Variants in DNAH12 observed in about 807,000 individuals in gnomAD.
DNAH12 encodes axonemal beta dynein heavy chain 12.
DNAH12 carries 285 observed loss-of-function variants against 371.5 expected under a neutral mutation model. The ratio of observed to expected loss-of-function variants is 0.77; its 90% confidence interval spans 0.70 to 0.85. The LOEUF is 0.85. Ranked by LOEUF, DNAH12 falls within the 40% of genes least tolerant of loss-of-function variation. DNAH12 has a pLI of 0.00. For missense variants in DNAH12, 3,611 were observed against 3,689.4 expected (o/e 0.98, Z 0.55); for synonymous variants, 1,200 against 1,213.0 (o/e 0.99, Z 0.22).
chr3:57,299,953 G>C (rs2061312713), intron 70 of DNAH12, among the ~76,000 whole-genome samples: 1 of 152,140 alleles, frequency 6.6e-6, no homozygotes, highest in African/African-American at 2.4e-5. Flanking sequence ...CCCCACGTGG[G>C]GGAGAACAAT....
intron 57 of DNAH12, among the ~76,000 whole-genome samples, chr3:57,365,327 A>T (rs951165032): frequency 0.024 from 3,604 of 151,984 alleles, 65 homozygotes; most frequent in Admixed American, 0.035. Context: ...ATGGAGCTGG[A>T]AGCCATTATC....
intron 3 of DNAH12, 60 bp downstream of exon 3, chr3:57,523,743 C>A: frequency 6.8e-7 from 1 of 1,465,484 alleles, no homozygotes; most frequent in South Asian, 1.4e-5. Context: ...TTGAGATTGT[C>A]TTAACTACAA....
chr3:57,542,679 TATCTACTAATATGCTACTTAC>T lies in DNAH12; in HGVS notation c.170+1_170+21del, dbSNP rs2069341669. The T allele has an allele frequency of 6.5e-7, 1 of 1,534,636 alleles. No individual in the cohort carries two copies. The highest frequency in any genetic ancestry group is 8.7e-7 in the Non-Finnish European group (1 of 1,143,572). On this transcript the variant is annotated splice_donor_variant and splice_donor_5th_base_variant and intron_variant, in intron 2 of 73. Transcript: ENST00000495027. LOFTEE classifies it high-confidence loss of function. ...TTTTACTTGAATTCCAAGCAAGAAT[TATCTACTAATATGCTACTTAC>T]ACTAACTGATTAATTTTCTGCTGCT...
intron 45 of DNAH12, among the ~76,000 whole-genome samples, chr3:57,389,231 GA>G (rs36159319): frequency 6.2e-4 from 89 of 143,054 alleles, no homozygotes; most frequent in East Asian, 2.2e-3. Context: ...AGGTCCACAG[GA>G]AAAAAAAAAA....
At chr3:57,296,255 A>G in intron 72 of DNAH12, 89 bp downstream of exon 72, 2 of 1,048,746 alleles carry the variant, frequency 1.9e-6, no homozygotes, top group Non-Finnish European at 2.7e-6. Context: ...CTTGCCTTAA[A>G]AGAGGACTTT....
chr3:57,447,525 G>T (rs1257167139), intron 25 of DNAH12, among the ~76,000 whole-genome samples: 1 of 152,124 alleles, frequency 6.6e-6, no homozygotes, highest in East Asian at 1.9e-4. Context: ...TCTTAATTTT[G>T]CTATGAACCT....
intron 39 of DNAH12, among the ~76,000 whole-genome samples, chr3:57,411,746 C>G (rs1372783804): frequency 6.6e-6 from 1 of 152,058 alleles, no homozygotes; most frequent in African/African-American, 2.4e-5. Flanking sequence ...ATGAAGATGA[C>G]AGTCCTTCCA....
At chr3:57,554,859 C>T in the DNAH12 span, among the ~76,000 whole-genome samples, 1 of 152,084 alleles carries the variant, frequency 6.6e-6, no homozygotes, top group South Asian at 2.1e-4. Context: ...TTAGGCGATC[C>T]ACCCGCCTCA....
intron 13 of DNAH12, among the ~76,000 whole-genome samples, chr3:57,481,266 T>C (rs2066732817): frequency 6.6e-6 from 1 of 152,172 alleles, no homozygotes; most frequent in Non-Finnish European, 1.5e-5. Flanking sequence ...AGCATTCTTA[T>C]ACACCAATAA....
In DNAH12 at chr3:57,354,960, G is replaced by A. The variant is rs2062763466; in HGVS notation, c.9533+2216C>T. 7.2e-5 allele frequency among the ~76,000 whole-genome samples: 11 copies of A among 152,262 alleles called. No individual in the cohort carries two copies. In the South Asian group the frequency reaches 2.3e-3, roughly 32 times the overall value. ...TGGAGAACAGGTTAGTGGTTGCCAA[G>A]GGTTACGGAAGGGGTAAGGATGGGA... On this transcript the variant is annotated intron_variant, in intron 59 of 73. Transcript: ENST00000495027.
Position 57,461,526 on chromosome 3 carries a change from C to A in DNAH12, c.2699G>T (p.Gly900Val), listed in dbSNP as rs1268751738. The change falls in exon 19 of 74, where the codon GGC (glycine) becomes GTC (valine). Residue 900 changes from glycine to valine, a missense_variant. By Grantham distance (109) the Gly-to-Val change is moderately radical (BLOSUM62 -3). Coordinates refer to ENST00000495027, the MANE Select transcript of DNAH12 (RefSeq NM_001366028.2). Reference sequence around the variant, plus strand: ...TTCAAATGGTTTGATGAAAGGTGAGCCTCTCATTGTCTGAGTTTTTATAAT... The same window carrying A: ...TTCAAATGGTTTGATGAAAGGTGAGACTCTCATTGTCTGAGTTTTTATAAT... ...DQIIKTQTMR[G>V]SPFIKPFEHE... 16 of 1,551,164 alleles carry A rather than the reference C, an allele frequency of 1.0e-5. No individual in the cohort carries two copies. The highest frequency in any genetic ancestry group is 1.3e-5 in the Non-Finnish European group (15 of 1,146,830).
chr3:57,442,851 TTTAAG>T (rs1482961333), intron 29 of DNAH12, among the ~76,000 whole-genome samples: 2 of 152,204 alleles, frequency 1.3e-5, no homozygotes, highest in African/African-American at 4.8e-5. Context: ...TAAAGATGCC[TTTAAG>T]TTAAGTGATC....
chr3:57,354,397 T>C (rs2062749322), intron 59 of DNAH12, among the ~76,000 whole-genome samples: 1 of 152,076 alleles, frequency 6.6e-6, no homozygotes, highest in Non-Finnish European at 1.5e-5. Flanking sequence ...TTGGGTACCA[T>C]GCTTATTACC....
Position 57,507,793 on chromosome 3 carries a change from T to C in DNAH12, c.747A>G (p.Ser249=). 3 of 1,600,094 alleles carry C rather than the reference T, an allele frequency of 1.9e-6. No homozygotes were observed. The highest frequency in any genetic ancestry group is 2.5e-6 in the Non-Finnish European group (3 of 1,177,442). Residue 249 remains serine, a synonymous_variant, in exon 8 of 74, where the codon TCA becomes TCG. Transcript: ENST00000495027. Reference sequence around the variant, plus strand: ...TCTCTTCTGCGTTTCTAGTTTGTATTGATAGATCAGTTTTCAGTGATTCAC... The same window carrying C: ...TCTCTTCTGCGTTTCTAGTTTGTATCGATAGATCAGTTTTCAGTGATTCAC... The part of the protein sequence containing the change: ...IDCESLKTDL[S]IQTRNAEEKI...
chr3:57,546,482 C>T (rs115452628), upstream of DNAH12, among the ~76,000 whole-genome samples: 389 of 152,228 alleles, frequency 2.6e-3, 2 homozygotes, highest in Non-Finnish European at 4.6e-3. Flanking sequence ...GCTGGGACTA[C>T]AGGCACACAC....
At chr3:57,302,567 A>ATATATATT (rs2061380979) in intron 69 of DNAH12, among the ~76,000 whole-genome samples, 1 of 27,480 alleles carries the variant, frequency 3.6e-5, no homozygotes, top group Non-Finnish European at 6.3e-5. Flanking sequence ...ATATATATGT[A>ATATATATT]TTTTTTTTTT....
At chr3:57,433,113 C>T (rs896534685) in intron 32 of DNAH12, among the ~76,000 whole-genome samples, 2 of 151,622 alleles carry the variant, frequency 1.3e-5, no homozygotes, top group Admixed American at 1.3e-4. Flanking sequence ...CTTATTCTCA[C>T]CCTAGATTAC....
At chr3:57,398,474 T>C (rs879191831) in intron 43 of DNAH12, among the ~76,000 whole-genome samples, 2 of 152,078 alleles carry the variant, frequency 1.3e-5, no homozygotes, top group Admixed American at 6.5e-5. Context: ...GATGAAGTCA[T>C]AGAAATCCAC....
chr3:57,479,959 G>A (rs1018033092), intron 13 of DNAH12, among the ~76,000 whole-genome samples: 2 of 152,058 alleles, frequency 1.3e-5, no homozygotes, highest in Non-Finnish European at 2.9e-5. Flanking sequence ...ATGCCCACAA[G>A]AGAAAGCAGG....
Sources: allele counts gnomAD v4.1 joint callset (sites outside exome capture counted in the v4.1 genomes callset), GRCh38; gene constraint gnomAD v4.1.1; transcripts MANE v1.5; gene names NCBI Gene and HGNC (gene_info 2026-07-23, HGNC 2026-07-21).